HMBOX1: variants seen among roughly 807,000 people sequenced by gnomAD.
HMBOX1 encodes the protein homeobox containing 1.
A neutral mutation model predicts 54.5 loss-of-function variants in HMBOX1; 14 were observed. The observed-to-expected ratio is 0.26, with a 90% CI of 0.17 to 0.40. HMBOX1 has a LOEUF of 0.40. HMBOX1 is among the 10% of genes least tolerant of loss of function. HMBOX1 has a pLI of 1.00. For synonymous variants in HMBOX1, 160 were observed against 181.0 expected (o/e 0.88, Z 0.93); for missense variants, 332 against 514.4 (o/e 0.65, Z 3.43).
intron 1 of HMBOX1, among the ~76,000 whole-genome samples, chr8:28,960,609 CAT>C (rs1304698732): frequency 1.3e-5 from 2 of 151,020 alleles, no homozygotes; most frequent in African/African-American, 4.9e-5. Context: ...TGAAATAACT[CAT>C]GTTTATACTT....
chr8:28,918,122 C>A (rs969268438), intron 1 of HMBOX1, among the ~76,000 whole-genome samples: 2 of 152,138 alleles, frequency 1.3e-5, no homozygotes, highest in African/African-American at 4.8e-5. Flanking sequence ...ACTATCCAGG[C>A]CTGCAGTTTT....
chr8:28,971,568 A>G (rs1285645459), intron 3 of HMBOX1, among the ~76,000 whole-genome samples: 2 of 152,206 alleles, frequency 1.3e-5, no homozygotes, highest in Non-Finnish European at 2.9e-5. Context: ...CCTAAATGGT[A>G]AAGAATAGCA....
At chr8:29,027,570 G>C (rs1252449705) in intron 6 of HMBOX1, among the ~76,000 whole-genome samples, 2 of 152,158 alleles carry the variant, frequency 1.3e-5, no homozygotes, top group Non-Finnish European at 2.9e-5. Flanking sequence ...AGTCTCAAGG[G>C]AGGAAGGTAA....
chr8:28,975,572 A>G (rs551035390), intron 3 of HMBOX1, among the ~76,000 whole-genome samples: 1 of 152,318 alleles, frequency 6.6e-6, no homozygotes, highest in South Asian at 2.1e-4. Context: ...TGAATCTAGC[A>G]TGGCAATGAC....
At chr8:29,003,192 A>G (rs947215334) in intron 4 of HMBOX1, among the ~76,000 whole-genome samples, 1 of 151,888 alleles carries the variant, frequency 6.6e-6, no homozygotes, top group Non-Finnish European at 1.5e-5. Context: ...TTCACAAACT[A>G]TGAATCAAAA....
chr8:28,941,351 T>A (rs1474965883), intron 1 of HMBOX1, among the ~76,000 whole-genome samples: 2 of 152,210 alleles, frequency 1.3e-5, no homozygotes, highest in Non-Finnish European at 2.9e-5. Flanking sequence ...AAAAACAAAA[T>A]AACTCTATAT....
chr8:28,963,927 A>C, intron 2 of HMBOX1, 37 bp downstream of exon 2: 1 of 1,509,034 alleles, frequency 6.6e-7, no homozygotes. Context: ...TATCTTCACA[A>C]TCATTTTAGT....
intron 6 of HMBOX1, among the ~76,000 whole-genome samples, chr8:29,026,320 CAG>C (rs1183551891): frequency 1.3e-5 from 2 of 151,962 alleles, no homozygotes; most frequent in African/African-American, 4.8e-5. Flanking sequence ...CCTATAGAGA[CAG>C]AAAGTAGATA....
intron 4 of HMBOX1, among the ~76,000 whole-genome samples, chr8:28,992,694 C>G (rs916619959): frequency 5.3e-5 from 8 of 151,724 alleles, no homozygotes; most frequent in Admixed American, 2.0e-4. Flanking sequence ...CATAGTGAAT[C>G]CCCATCTCTA....
intron 3 of HMBOX1, among the ~76,000 whole-genome samples, chr8:28,974,788 T>A (rs1828099179): frequency 6.6e-6 from 1 of 152,174 alleles, no homozygotes; most frequent in Non-Finnish European, 1.5e-5. Context: ...AATTTGTACA[T>A]CATTGTATTT....
chr8:29,018,705 A>G (rs545564921), intron 5 of HMBOX1, 55 bp from the exon 6 acceptor site: 41 of 1,566,122 alleles, frequency 2.6e-5, no homozygotes, highest in Non-Finnish European at 3.2e-5. Context: ...AGTAGATGTT[A>G]TATTGTTTTA....
chr8:29,033,097 G>T (rs1229570700), intron 6 of HMBOX1, among the ~76,000 whole-genome samples: 4 of 151,766 alleles, frequency 2.6e-5, no homozygotes, highest in Non-Finnish European at 4.4e-5. Context: ...GTTTGTCCTG[G>T]CCTATAATGA....
chr8:28,997,026 T>C (rs993844739), intron 4 of HMBOX1, among the ~76,000 whole-genome samples: 4 of 152,100 alleles, frequency 2.6e-5, no homozygotes, highest in Admixed American at 2.0e-4. Context: ...TTCCTTTGGG[T>C]TTTTTATATA....
At chr8:28,991,448 T>C (rs1830970617) in intron 4 of HMBOX1, among the ~76,000 whole-genome samples, 1 of 152,204 alleles carries the variant, frequency 6.6e-6, no homozygotes, top group Admixed American at 6.5e-5. Flanking sequence ...CTGTAGTAGT[T>C]TTTAAAATAT....
chr8:29,021,896 T>C (rs995294709), intron 6 of HMBOX1, among the ~76,000 whole-genome samples: 2 of 150,366 alleles, frequency 1.3e-5, no homozygotes, highest in African/African-American at 2.4e-5. Context: ...TAATTGATAG[T>C]AAGAGAAATT....
intron 3 of HMBOX1, among the ~76,000 whole-genome samples, chr8:28,977,597 C>A (rs1364789912): frequency 6.6e-6 from 1 of 151,972 alleles, no homozygotes; most frequent in African/African-American, 2.4e-5. Context: ...GTACCTTTTT[C>A]TTTTTCATAT....
At chr8:29,009,249 C>T (rs945587455) in intron 5 of HMBOX1, 67 bp downstream of exon 5, 1 of 1,299,142 alleles carries the variant, frequency 7.7e-7, no homozygotes, top group African/African-American at 1.5e-5. Flanking sequence ...ACTTTAATGA[C>T]TCCATGTGCT....
intron 1 of HMBOX1, among the ~76,000 whole-genome samples, chr8:28,943,859 C>T (rs927288373): frequency 1.3e-5 from 2 of 152,138 alleles, no homozygotes; most frequent in African/African-American, 4.8e-5. Flanking sequence ...TCAGTGGTGA[C>T]AGATGCTGCA....
intron 1 of HMBOX1, among the ~76,000 whole-genome samples, chr8:28,928,971 A>G (rs930732707): frequency 6.6e-6 from 1 of 152,222 alleles, no homozygotes; most frequent in Admixed American, 6.5e-5. Flanking sequence ...ACTGTTGGTT[A>G]TAAGATGAAT....
Sources: allele counts gnomAD v4.1 joint callset (sites outside exome capture counted in the v4.1 genomes callset), GRCh38; gene constraint gnomAD v4.1.1; transcripts MANE v1.5; gene names NCBI Gene and HGNC (gene_info 2026-07-23, HGNC 2026-07-21).